Variants in EXOC4 observed in about 807,000 individuals in gnomAD.
The protein encoded by EXOC4 is exocyst complex component 4.
In EXOC4, 71 loss-of-function variants were observed where a neutral mutation model predicts 107.2. The observed-to-expected ratio is 0.66, with a 90% CI of 0.55 to 0.81. The LOEUF is 0.81. EXOC4 is among the 30% of genes least tolerant of loss of function. The probability of loss-of-function intolerance (pLI) is 0.00; values close to 1 mark genes in which losing one functional copy is unlikely to be tolerated. For synonymous variants in EXOC4, 456 were observed against 441.2 expected, an observed-to-expected ratio of 1.03 and a Z score of -0.42; for missense variants, 1,108 against 1,189.6, an observed-to-expected ratio of 0.93 and a Z score of 1.01.
chr7:133,931,324 G>A (rs1800170736), intron 13 of EXOC4, among the ~76,000 whole-genome samples: 1 of 152,174 alleles, frequency 6.6e-6, no homozygotes, highest in African/African-American at 2.4e-5. Flanking sequence ...ATGAATGTAT[G>A]TCTGTATTCA....
chr7:133,926,465 G>C (rs966606382), intron 13 of EXOC4, among the ~76,000 whole-genome samples: 2 of 151,950 alleles, frequency 1.3e-5, no homozygotes, highest in African/African-American at 4.8e-5. Context: ...TGTTATCATT[G>C]GTATTCATTA....
At chr7:133,711,469 G>A (rs1010918460) in intron 10 of EXOC4, among the ~76,000 whole-genome samples, 1 of 152,110 alleles carries the variant, frequency 6.6e-6, no homozygotes, top group Admixed American at 6.5e-5. Context: ...AAAAGTACAT[G>A]GTATTAAGCA....
At chr7:133,479,923 A>G in intron 8 of EXOC4, 127 bp from the exon 9 acceptor site, 1 of 783,416 alleles carries the variant, frequency 1.3e-6, no homozygotes, top group Non-Finnish European at 2.2e-6. Context: ...GGTATAGCCA[A>G]AGTGTCTTCA....
chr7:133,673,640 T>G (rs1444247159), intron 10 of EXOC4, among the ~76,000 whole-genome samples: 1 of 152,240 alleles, frequency 6.6e-6, no homozygotes, highest in Non-Finnish European at 1.5e-5. Flanking sequence ...CATTCTGTAT[T>G]TGATATACTG....
intron 7 of EXOC4, among the ~76,000 whole-genome samples, chr7:133,385,327 A>G (rs1321021579): frequency 1.3e-5 from 2 of 152,134 alleles, no homozygotes; most frequent in Non-Finnish European, 2.9e-5. Flanking sequence ...GGACTTTGTA[A>G]GTTTGCCTTT....
chr7:133,858,197 G>T (rs1798459560), intron 11 of EXOC4, among the ~76,000 whole-genome samples: 1 of 152,190 alleles, frequency 6.6e-6, no homozygotes, highest in South Asian at 2.1e-4. Context: ...CATCCAGGAA[G>T]AATGAGTTTC....
At chr7:133,960,163 G>A (rs113792026) in intron 14 of EXOC4, among the ~76,000 whole-genome samples, 1,827 of 152,092 alleles carry the variant, frequency 0.012, 26 homozygotes, top group African/African-American at 0.041. Flanking sequence ...GCAGGATGTT[G>A]ATTAGAATAC....
intron 5 of EXOC4, among the ~76,000 whole-genome samples, chr7:133,331,086 A>G (rs914902729): frequency 6.6e-6 from 1 of 152,110 alleles, no homozygotes; most frequent in African/African-American, 2.4e-5. Flanking sequence ...TTTAAGTGCG[A>G]TCAGATATAA....
At chr7:133,449,587 A>AT (rs1206130995) in intron 7 of EXOC4, among the ~76,000 whole-genome samples, 1 of 151,916 alleles carries the variant, frequency 6.6e-6, no homozygotes, top group Admixed American at 6.6e-5. Context: ...AGCTATCGTG[A>AT]TTTTTGTTCT....
chr7:133,405,551 C>T (rs1426117041), intron 7 of EXOC4, among the ~76,000 whole-genome samples: 1 of 152,038 alleles, frequency 6.6e-6, no homozygotes, highest in Non-Finnish European at 1.5e-5. Context: ...TAATTTAGGG[C>T]TAGTAAACAG....
At chr7:133,765,234 G>T (rs755683061) in intron 10 of EXOC4, among the ~76,000 whole-genome samples, 92 of 152,092 alleles carry the variant, frequency 6.0e-4, no homozygotes, top group Non-Finnish European at 1.2e-3. Context: ...AATGAGGATT[G>T]CTGTTTTTTT....
intron 6 of EXOC4, among the ~76,000 whole-genome samples, chr7:133,364,643 C>A (rs956729575): frequency 6.6e-6 from 1 of 152,072 alleles, no homozygotes; most frequent in African/African-American, 2.4e-5. Flanking sequence ...GACTCTATGC[C>A]TTAGTTGATT....
intron 9 of EXOC4, among the ~76,000 whole-genome samples, chr7:133,507,904 A>G (rs1045680302): frequency 2.0e-5 from 3 of 152,076 alleles, no homozygotes; most frequent in Admixed American, 6.5e-5. Context: ...TCTACTAAAA[A>G]TACAAAATTA....
rs1375593543 is a variant in EXOC4 at position 133,436,483 on chromosome 7, T to A, written c.1183-38845T>A. Among the ~76,000 whole-genome samples the A allele has an allele frequency of 2.6e-5, 4 of 151,570 alleles. No homozygotes were observed. The East Asian group carries it at 7.8e-4, about 29-fold the overall frequency. On this transcript the variant is annotated intron_variant, in intron 7 of 17. Coordinates refer to ENST00000253861, the MANE Select transcript of EXOC4 (RefSeq NM_021807.4). ...TCTTTTTTGTCTCTCTTTTCCTGAG[T>A]GAAGGCAGTGTGGTGTTAAAAAAAA...
intron 17 of EXOC4, among the ~76,000 whole-genome samples, chr7:134,044,328 C>T (rs578190373): frequency 2.4e-4 from 36 of 152,296 alleles, no homozygotes; most frequent in African/African-American, 8.7e-4. Flanking sequence ...TTTGAAAGCA[C>T]TAGAAATTAG....
intron 11 of EXOC4, among the ~76,000 whole-genome samples, chr7:133,859,079 G>A (rs914456387): frequency 5.3e-5 from 8 of 152,058 alleles, no homozygotes; most frequent in South Asian, 2.1e-4. Context: ...TACTTGTCTC[G>A]TTGTTTCTCT....
intron 15 of EXOC4, among the ~76,000 whole-genome samples, chr7:134,003,849 T>A (rs1035798701): frequency 1.3e-4 from 20 of 152,064 alleles, no homozygotes; most frequent in Non-Finnish European, 2.5e-4. Context: ...GCTGTGGCAG[T>A]GCAGCCAATC....
intron 17 of EXOC4, 72 bp from the exon 18 acceptor site, chr7:134,064,219 A>G: frequency 1.0e-6 from 1 of 961,542 alleles, no homozygotes. Context: ...ATGTATAGAC[A>G]GCGTATTTGT....
chr7:133,586,465 T>A (rs1254876469), intron 9 of EXOC4, among the ~76,000 whole-genome samples: 2 of 152,228 alleles, frequency 1.3e-5, no homozygotes, highest in Non-Finnish European at 2.9e-5. Flanking sequence ...AATGGCTGCA[T>A]AGTATTCCAT....
Sources: gnomAD v4.1 joint callset for allele counts (sites outside exome capture counted in the v4.1 genomes callset) on GRCh38, gnomAD v4.1.1 for gene constraint, MANE v1.5 for transcripts, NCBI Gene and HGNC (gene_info 2026-07-23, HGNC 2026-07-21) for gene names.